Variants in FAM193A observed in about 807,000 individuals in gnomAD.
The protein encoded by FAM193A is protein FAM193A.
A neutral mutation model predicts 126.5 loss-of-function variants in FAM193A; 22 were observed. That is an observed-to-expected ratio of 0.17 (90% CI 0.12 to 0.25). The LOEUF (loss-of-function observed/expected upper bound fraction) is 0.25. FAM193A is among the 10% of genes least tolerant of loss of function. The probability of loss-of-function intolerance (pLI) is 1.00; values close to 1 mark genes in which losing one functional copy is unlikely to be tolerated. For missense variants in FAM193A, 1,675 were observed against 1,672.8 expected (o/e 1.00, Z -0.02); for synonymous variants, 761 against 646.8 (o/e 1.18, Z -2.68).
intron 1 of FAM193A, among the ~76,000 whole-genome samples, chr4:2,550,067 C>T (rs985265739): frequency 5.7e-5 from 8 of 140,882 alleles, no homozygotes; most frequent in Admixed American, 1.6e-4. Flanking sequence ...GACAGAGTGT[C>T]GCTCTGTGGC....
intron 1 of FAM193A, among the ~76,000 whole-genome samples, chr4:2,558,195 CG>C (rs1162935610): frequency 1.3e-5 from 2 of 150,470 alleles, no homozygotes; most frequent in African/African-American, 4.9e-5. Flanking sequence ...TCGCTTGAAC[CG>C]GGGAGGAGGT....
intron 1 of FAM193A, among the ~76,000 whole-genome samples, chr4:2,538,578 C>T: frequency 6.7e-6 from 1 of 150,312 alleles, no homozygotes; most frequent in East Asian, 2.0e-4. Context: ...CATCCAGTAT[C>T]CTGGAGATCA....
chr4:2,626,508 C>G lies in FAM193A; in HGVS notation c.734C>G (p.Thr245Ser). ...TVRCIYRQAG[T>S]PLADDQDQSL... is the part of the protein sequence containing the mutation. ...CGCTGCATCTACCGCCAGGCAGGAA[C>G]CCCGCTGGCAGATGACCAGGACCAG... Residue 245 changes from threonine to serine, a missense_variant, in exon 4 of 21, where the codon ACC (threonine) becomes AGC (serine). Coordinates refer to ENST00000637812, the MANE Select transcript of FAM193A (RefSeq NM_001366318.2). The G allele has an allele frequency of 1.4e-6, 1 of 702,516 alleles. No homozygotes were observed. 43.5% of individuals were successfully genotyped at this position (702,516 alleles called of 1,614,324 possible). A position where few individuals can be genotyped will look rare whatever the true frequency, so the allele number is the denominator to read the frequency against.
At chr4:2,651,645 A>G (rs1745678767) in intron 7 of FAM193A, among the ~76,000 whole-genome samples, 1 of 152,198 alleles carries the variant, frequency 6.6e-6, no homozygotes, top group South Asian at 2.1e-4. Flanking sequence ...TTACAGTTTG[A>G]CATGAGATTT....
At chr4:2,607,828 G>A (rs1741633936) in intron 2 of FAM193A, 2 of 577,278 alleles carry the variant, frequency 3.5e-6, no homozygotes, top group Admixed American at 7.4e-5. Flanking sequence ...TGACTTGTGG[G>A]ATTTCTTTAT....
At chr4:2,625,676 C>G (rs1381324190) in intron 3 of FAM193A, 1 of 266,826 alleles carries the variant, frequency 3.7e-6, no homozygotes, top group African/African-American at 2.2e-5. Context: ...GAGAGCCTGA[C>G]TGGCTGCTTC....
chr4:2,629,932 A>G (rs972303501), intron 4 of FAM193A, among the ~76,000 whole-genome samples: 173 of 152,270 alleles, frequency 1.1e-3, no homozygotes, highest in African/African-American at 3.8e-3. Context: ...GGAGATCGGG[A>G]CCATCCTGGC....
intron 19 of FAM193A, among the ~76,000 whole-genome samples, chr4:2,713,651 G>A (rs1249314228): frequency 1.3e-5 from 2 of 151,934 alleles, no homozygotes; most frequent in Middle Eastern, 3.2e-3. Context: ...CCCATTTTTT[G>A]TTGGTGGTGT....
chr4:2,651,948 A>G (rs1301530402), intron 7 of FAM193A, among the ~76,000 whole-genome samples: 2 of 152,170 alleles, frequency 1.3e-5, no homozygotes, highest in Non-Finnish European at 2.9e-5. Flanking sequence ...GGGTCGTTCG[A>G]AGGCAGAGTG....
chr4:2,729,393 G>A (rs377409890), intron 20 of FAM193A, among the ~76,000 whole-genome samples: 413 of 152,298 alleles, frequency 2.7e-3, no homozygotes, highest in African/African-American at 7.8e-3. Flanking sequence ...GAGAAGGGAC[G>A]CGAGGCCCTG....
chr4:2,591,517 GGGGC>G (rs1448213162), intron 1 of FAM193A, among the ~76,000 whole-genome samples: 1 of 152,142 alleles, frequency 6.6e-6, no homozygotes, highest in African/African-American at 2.4e-5. Context: ...TCACCAGCAC[GGGGC>G]CTTTGTTGTG....
At chr4:2,651,818 T>C (rs545901760) in intron 7 of FAM193A, among the ~76,000 whole-genome samples, 8 of 152,322 alleles carry the variant, frequency 5.3e-5, no homozygotes, top group African/African-American at 1.7e-4. Flanking sequence ...AAGAGGTTGC[T>C]GGCCTGAGTC....
intron 5 of FAM193A, among the ~76,000 whole-genome samples, chr4:2,636,423 C>T (rs947458164): frequency 2.6e-5 from 4 of 152,066 alleles, no homozygotes; most frequent in East Asian, 1.9e-4. Context: ...AGTACACCAA[C>T]GCGGGAGAGT....
At chr4:2,659,531 A>T (rs370656971) in intron 8 of FAM193A, 27 bp from the exon 9 acceptor site, 2 of 1,513,612 alleles carry the variant, frequency 1.3e-6, no homozygotes, top group Admixed American at 1.7e-5. Context: ...GTCTTGCAAG[A>T]TTAAAGCATT....
chr4:2,594,363 C>T (rs1407491663), intron 1 of FAM193A, among the ~76,000 whole-genome samples: 6 of 151,956 alleles, frequency 3.9e-5, no homozygotes, highest in African/African-American at 1.5e-4. Flanking sequence ...GGAGACAGCT[C>T]GAGGCTGTGG....
chr4:2,661,304 G>A (rs1243310877), intron 10 of FAM193A, among the ~76,000 whole-genome samples: 1 of 152,156 alleles, frequency 6.6e-6, no homozygotes, highest in Non-Finnish European at 1.5e-5. Flanking sequence ...TCTCTTTCTT[G>A]GTGCCTTTTC....
intron 1 of FAM193A, among the ~76,000 whole-genome samples, chr4:2,575,278 A>AC (rs1267493761): frequency 6.6e-6 from 1 of 152,176 alleles, no homozygotes; most frequent in Non-Finnish European, 1.5e-5. Flanking sequence ...AAAGTGTGGT[A>AC]CACCAGGGAC....
At chr4:2,658,401 G>T (rs756386033) in intron 8 of FAM193A, among the ~76,000 whole-genome samples, 1 of 152,096 alleles carries the variant, frequency 6.6e-6, no homozygotes, top group African/African-American at 2.4e-5. Flanking sequence ...CTCCAGGCAG[G>T]CTTGTGCTCC....
In FAM193A at chr4:2,606,045, CTTTT is replaced by C. The variant is rs1170025017; in HGVS notation, c.501+9736_501+9739del. ...CGTGTTTTGTATATTTTGCAAACCT[CTTTT>C]TTTTTTTTTTTTTTTTTTTGAGACA... is the stretch of plus-strand genomic sequence containing the variant. On this transcript the variant is annotated intron_variant, in intron 2 of 20. Transcript: ENST00000637812. Among the ~76,000 whole-genome samples the C allele has an allele frequency of 2.6e-3, 157 of 60,984 alleles. No individual in the cohort carries two copies. In the East Asian group the frequency reaches 0.026, roughly 10 times the overall value. The allele number at this position is 60,984 out of a possible 152,430, so 40.0% of individuals were successfully genotyped here.
Sources: gnomAD v4.1 joint callset for allele counts (sites outside exome capture counted in the v4.1 genomes callset) on GRCh38, gnomAD v4.1.1 for gene constraint, MANE v1.5 for transcripts, NCBI Gene and HGNC (gene_info 2026-07-23, HGNC 2026-07-21) for gene names.